Variants in TRANK1 observed in about 807,000 individuals in gnomAD.
TRANK1 encodes tetratricopeptide repeat and ankyrin repeat containing 1.
A neutral mutation model predicts 266.0 loss-of-function variants in TRANK1; 198 were observed. That is an observed-to-expected ratio of 0.74 (90% CI 0.66 to 0.84). The LOEUF (loss-of-function observed/expected upper bound fraction) is 0.84, where lower values mean the gene tolerates loss of function less well. TRANK1 is among the 40% of genes least tolerant of loss of function. The pLI is 0.00. For missense variants in TRANK1, 3,326 were observed against 3,634.6 expected (o/e 0.92, Z 2.18); for synonymous variants, 1,396 against 1,384.1 (o/e 1.01, Z -0.19).
chr3:36,934,088 C>G (rs755377694), intron 1 of TRANK1, among the ~76,000 whole-genome samples: 8 of 152,238 alleles, frequency 5.3e-5, no homozygotes, highest in Non-Finnish European at 8.8e-5. Flanking sequence ...CAAAGGCCTT[C>G]CAGGGGAGAG....
At chr3:36,901,594 ATC>A (rs2079883732) in intron 3 of TRANK1, among the ~76,000 whole-genome samples, 1 of 152,334 alleles carries the variant, frequency 6.6e-6, no homozygotes, top group African/African-American at 2.4e-5. Flanking sequence ...ATCAAATGAA[ATC>A]TGTGTGCTTT....
chr3:36,891,314 G>A (rs2079691974), intron 7 of TRANK1, among the ~76,000 whole-genome samples: 1 of 152,116 alleles, frequency 6.6e-6, no homozygotes, highest in Non-Finnish European at 1.5e-5. Context: ...CACTCCCCCA[G>A]CCTGGGCAAT....
chr3:36,922,119 C>A (rs2080224211), intron 1 of TRANK1, among the ~76,000 whole-genome samples: 1 of 152,040 alleles, frequency 6.6e-6, no homozygotes, highest in African/African-American at 2.4e-5. Context: ...GCACTCCAGC[C>A]TGGGTGACAA....
intron 16 of TRANK1, among the ~76,000 whole-genome samples, chr3:36,846,734 C>G (rs1307900384): frequency 6.6e-6 from 1 of 152,176 alleles, no homozygotes; most frequent in Non-Finnish European, 1.5e-5. Context: ...TAATTATAGA[C>G]TCACTGAAAG....
chr3:36,905,129 A>G (rs572237041), intron 2 of TRANK1, among the ~76,000 whole-genome samples: 1 of 152,176 alleles, frequency 6.6e-6, no homozygotes, highest in East Asian at 1.9e-4. Flanking sequence ...TCTACTAAAA[A>G]TACAAAAAAT....
chr3:36,831,832 A>G lies in TRANK1; in HGVS notation c.7751T>C (p.Leu2584Pro). The G allele has an allele frequency of 6.2e-7, 1 of 1,613,998 alleles. No homozygotes were observed. The highest frequency in any genetic ancestry group is 8.5e-7 in the Non-Finnish European group (1 of 1,179,904). ...EEILQPYCKP[L>P]LYRHFREIES... ...AATCTCCCGGAAGTGGCGATACAGG[A>G]GAGGCTTGCAGTATGGCTGCAGGAT... The change falls in exon 22 of 24, where the codon CTC becomes CCC. Residue 2584 changes from leucine (L) to proline (P), a missense_variant. Transcript: ENST00000645898. This position sits in a 1 kb window ranked among gnomAD's most constrained non-coding sequence, Gnocchi z 5.0.
rs1439067813 is a variant in TRANK1 at position 36,852,270 on chromosome 3, C to T, written c.4625G>A (p.Arg1542Lys). 3 of 1,613,198 alleles carry T rather than the reference C, an allele frequency of 1.9e-6. No individual in the cohort carries two copies. The highest frequency in any genetic ancestry group is 2.5e-6 in the Non-Finnish European group (3 of 1,179,680). ...AGGACCATCAAAGAGGCCAGAATCC[C>T]TTGGAAGGCGATCAAAAGATTCTGG... Reference protein sequence around the residue: ...YFPESFDRLPRDSGLFDGPKP... With the variant: ...YFPESFDRLPKDSGLFDGPKP... The change falls in exon 14 of 24, where the codon AGG (arginine) becomes AAG (lysine). Residue 1542 changes from arginine (R) to lysine (K), a missense_variant. Physicochemically the swap from Arg to Lys is conservative, Grantham distance 26 (BLOSUM62 2). Coordinates refer to ENST00000645898, the MANE Select transcript of TRANK1 (RefSeq NM_001329998.2).
Position 36,832,390 on chromosome 3 carries a change from T to G in TRANK1, c.7193A>C (p.Asn2398Thr). The change falls in exon 22 of 24, where the codon AAT (asparagine) becomes ACT (threonine). Residue 2398 changes from asparagine (N) to threonine (T), a missense_variant. Physicochemically the swap from Asn to Thr is moderately conservative, Grantham distance 65. Transcript: ENST00000645898. ...GMLAPNRDDE[N>T]MDKTHLCFIR... Reference sequence around the variant, plus strand: ...GAAGCACAGGTGGGTCTTGTCCATATTTTCATCATCCCTGTTGGGTGCCAG... The same window carrying G: ...GAAGCACAGGTGGGTCTTGTCCATAGTTTCATCATCCCTGTTGGGTGCCAG... 6.2e-7 allele frequency: 1 copy of G among 1,614,000 alleles called. No individual in the cohort carries two copies. Among genetic ancestry groups the G allele is most frequent in the Non-Finnish European group, 8.5e-7 (1 of 1,179,884 alleles).
intron 8 of TRANK1, among the ~76,000 whole-genome samples, chr3:36,879,809 T>C (rs1422638955): frequency 9.8e-6 from 1 of 101,580 alleles, no homozygotes; most frequent in Admixed American, 1.0e-4. Flanking sequence ...TATACAAATA[T>C]ATGTAAATAT....
Position 36,842,786 on chromosome 3 carries a change from C to T in TRANK1, c.5192-76G>A, listed in dbSNP as rs2078865138. 1.7e-5 allele frequency: 21 copies of T among 1,261,560 alleles called. No individual in the cohort carries two copies. The South Asian group carries it at 2.5e-4, about 15-fold the overall frequency. 78.1% of individuals were successfully genotyped at this position (1,261,560 alleles called of 1,614,324 possible). ...AAAACTGTTGTTATGGGCTGAGTTG[C>T]ATCTCCTCCGCCAGCCATCAAATTC... On this transcript the variant is annotated intron_variant, in intron 17 of 23. Coordinates refer to ENST00000645898, the MANE Select transcript of TRANK1 (RefSeq NM_001329998.2).
At chr3:36,893,597 G>T (rs1004626048) in intron 5 of TRANK1, among the ~76,000 whole-genome samples, 1 of 152,156 alleles carries the variant, frequency 6.6e-6, no homozygotes, top group Admixed American at 6.5e-5. Context: ...TCTTTTCAGA[G>T]ACCCAGTTGT....
Position 36,834,907 on chromosome 3 carries a change from T to C in TRANK1, c.5518A>G (p.Ile1840Val), listed in dbSNP as rs147234882. ...SAQLCERLGKIRDAAYFYKRS... is the reference protein window; with the variant it reads ...SAQLCERLGKVRDAAYFYKRS... ...TTATAGAAATAGGCAGCATCTCTTA[T>C]CTAGGATGGAGTAAATTTTACTTTT... Residue 1840 changes from isoleucine to valine, a missense_variant and splice_region_variant, in exon 21 of 24, where the codon ATA becomes GTA. Coordinates refer to ENST00000645898, the MANE Select transcript of TRANK1 (RefSeq NM_001329998.2). 1.7e-3 allele frequency: 2,718 copies of C among 1,600,874 alleles called. 57 individuals are homozygous for C. In the South Asian group the frequency reaches 0.027, roughly 16 times the overall value.
chr3:36,928,566 C>A (rs1359065204), intron 1 of TRANK1, among the ~76,000 whole-genome samples: 1 of 152,144 alleles, frequency 6.6e-6, no homozygotes, highest in Non-Finnish European at 1.5e-5. Context: ...TGCTTTATGA[C>A]TTGATGTTTA....
rs75684038 is a variant in TRANK1, at chr3:36,876,538, G to T, written c.908-2242C>A. Among the ~76,000 whole-genome samples, 101 of 152,322 alleles carry T rather than the reference G, an allele frequency of 6.6e-4. 2 individuals are homozygous for T. In the East Asian group the frequency reaches 0.017, roughly 26 times the overall value. ...AAATTGGCAGAAAGTAAGCCTGAAGGTTCTGGTGGCCTTAACTGAAAGACA... is the reference window on the plus strand; with the variant it reads ...AAATTGGCAGAAAGTAAGCCTGAAGTTTCTGGTGGCCTTAACTGAAAGACA... On this transcript the variant is annotated intron_variant, in intron 8 of 23. Transcript: ENST00000645898.
chr3:36,925,973 A>G (rs1404285261), intron 1 of TRANK1, among the ~76,000 whole-genome samples: 2 of 152,052 alleles, frequency 1.3e-5, no homozygotes, highest in African/African-American at 4.8e-5. Context: ...AAGCAGCTTC[A>G]CCCTCTTAAT....
At chr3:36,934,289 TA>T (rs1379222622) in intron 1 of TRANK1, among the ~76,000 whole-genome samples, 1 of 151,954 alleles carries the variant, frequency 6.6e-6, no homozygotes, top group Non-Finnish European at 1.5e-5. Flanking sequence ...ATTTCTGGGG[TA>T]AAAGAATATA....
chr3:36,930,919 T>C (rs1166970438), intron 1 of TRANK1, among the ~76,000 whole-genome samples: 2 of 152,122 alleles, frequency 1.3e-5, no homozygotes, highest in African/African-American at 4.8e-5. Flanking sequence ...ATCTGTGCTG[T>C]TTATTACATG....
At chr3:36,892,531 G>C (rs2079715817) in intron 6 of TRANK1, among the ~76,000 whole-genome samples, 191 bp from the exon 7 acceptor site, 1 of 152,174 alleles carries the variant, frequency 6.6e-6, no homozygotes, top group African/African-American at 2.4e-5. Flanking sequence ...GGAAGTGTAT[G>C]TTTCAAGAAA....
rs1335002686 is a variant in TRANK1, at chr3:36,830,967, C to T, written c.8616G>A (p.Lys2872=). ...SVWIHSHVGS[K]EHSHMLQKVQ... is the part of the protein sequence containing the mutation. ...CCTTCTGCAGCATGTGGCTGTGCTC[C>T]TTGGAGCCCACGTGACTGTGGATCC... Residue 2872 remains lysine, a synonymous_variant, in exon 22 of 24, where the codon AAG becomes AAA. Transcript: ENST00000645898. 1.2e-6 allele frequency: 2 copies of T among 1,613,920 alleles called. No homozygotes were observed. Among genetic ancestry groups the T allele is most frequent in the East Asian group, 4.5e-5 (2 of 44,884 alleles).
Sources: gnomAD v4.1 joint callset for allele counts (sites outside exome capture counted in the v4.1 genomes callset) on GRCh38, gnomAD v4.1.1 for gene constraint, Gnocchi (gnomAD v3.1) non-coding constraint, MANE v1.5 for transcripts, NCBI Gene and HGNC (gene_info 2026-07-23, HGNC 2026-07-21) for gene names.